Variants in DPP10 observed in about 807,000 individuals in gnomAD.
The protein encoded by DPP10 is dipeptidyl peptidase like 10, also known as inactive dipeptidyl peptidase 10.
Under a neutral mutation model 120.9 loss-of-function variants are expected in DPP10, and 33 were observed. That is an observed-to-expected ratio of 0.27 (90% CI 0.21 to 0.37). The LOEUF is 0.37. Among genes scored for constraint, DPP10 ranks in the 10% least tolerant of loss-of-function variants. The pLI, the probability that DPP10 is intolerant of heterozygous loss-of-function variation, is 1.00. For missense variants in DPP10, 816 were observed against 942.8 expected (o/e 0.87, Z 1.76); for synonymous variants, 337 against 326.1 (o/e 1.03, Z -0.36).
chr2:115,815,544 T>C lies in DPP10; in HGVS notation c.1896-131T>C, dbSNP rs1687130704. On this transcript the variant is annotated intron_variant, in intron 20 of 25. Coordinates refer to ENST00000410059, the MANE Select transcript of DPP10 (RefSeq NM_020868.6). ...TTTTGGAGTATATGACCCTAATACA[T>C]GAACAGAGCTACAGTTAGTAAAGCA... 4 of 750,824 alleles carry C rather than the reference T, an allele frequency of 5.3e-6. No individual in the cohort carries two copies. In the Admixed American group the frequency reaches 1.3e-4, roughly 25 times the overall value. The allele number at this position is 750,824 out of a possible 1,614,324, so 46.5% of individuals were successfully genotyped here. A position where few individuals can be genotyped will look rare whatever the true frequency, so the allele number is the denominator to read the frequency against.
At chr2:114,570,885 A>T (rs1398924716) in intron 1 of DPP10, among the ~76,000 whole-genome samples, 1 of 150,352 alleles carries the variant, frequency 6.7e-6, no homozygotes, top group Non-Finnish European at 1.5e-5. Flanking sequence ...GGAATTAGAG[A>T]TGTTTATCCT....
intron 1 of DPP10, among the ~76,000 whole-genome samples, chr2:114,526,485 A>T (rs1358328764): frequency 6.6e-6 from 1 of 152,220 alleles, no homozygotes; most frequent in Non-Finnish European, 1.5e-5. Flanking sequence ...AATAATCTAA[A>T]ATATCCCATA....
At chr2:114,511,215 A>T (rs538808938) in intron 1 of DPP10, among the ~76,000 whole-genome samples, 45 of 152,384 alleles carry the variant, frequency 3.0e-4, no homozygotes, top group African/African-American at 1.1e-3. Flanking sequence ...CACTCTGCAT[A>T]CAAAATATAT....
At chr2:115,116,537 ACT>A (rs1014975454) in intron 1 of DPP10, among the ~76,000 whole-genome samples, 4 of 152,124 alleles carry the variant, frequency 2.6e-5, no homozygotes, top group Admixed American at 2.0e-4. Flanking sequence ...TATTTCCAAG[ACT>A]ACCTTTTGTT....
At chr2:115,610,141 G>A (rs1221940166) in intron 5 of DPP10, among the ~76,000 whole-genome samples, 1 of 152,032 alleles carries the variant, frequency 6.6e-6, no homozygotes, top group African/African-American at 2.4e-5. Flanking sequence ...GGCTTGACTG[G>A]TACTCAAGGA....
At chr2:114,742,552 G>C (rs1678166872) in intron 1 of DPP10, among the ~76,000 whole-genome samples, 1 of 151,974 alleles carries the variant, frequency 6.6e-6, no homozygotes, top group African/African-American at 2.4e-5. Context: ...ATGTGGCACT[G>C]CTTTTTTGAA....
At chr2:115,455,981 C>T (rs1558687189) in intron 3 of DPP10, among the ~76,000 whole-genome samples, 1 of 152,114 alleles carries the variant, frequency 6.6e-6, no homozygotes, top group African/African-American at 2.4e-5. Context: ...TCTAACTAAA[C>T]TAAAGAGTTT....
chr2:115,427,808 TG>T (rs1405286572), intron 3 of DPP10, among the ~76,000 whole-genome samples: 1 of 152,248 alleles, frequency 6.6e-6, no homozygotes, highest in Non-Finnish European at 1.5e-5. Context: ...ATGGGCTTTT[TG>T]TTTCTACCCC....
At chr2:114,533,220 TG>T in intron 1 of DPP10, among the ~76,000 whole-genome samples, 1 of 152,256 alleles carries the variant, frequency 6.6e-6, no homozygotes, top group East Asian at 1.9e-4. Context: ...TGCCCTTGAA[TG>T]GGGGGAACTC....
At chr2:114,690,888 G>A (rs1699696245) in intron 1 of DPP10, among the ~76,000 whole-genome samples, 1 of 152,018 alleles carries the variant, frequency 6.6e-6, no homozygotes, top group South Asian at 2.1e-4. Context: ...CAGTGCATAG[G>A]AATGCTAGCA....
intron 4 of DPP10, among the ~76,000 whole-genome samples, chr2:115,500,458 A>C (rs2076627731): frequency 6.6e-6 from 1 of 152,026 alleles, no homozygotes; most frequent in African/African-American, 2.4e-5. Flanking sequence ...TTCTACTTGT[A>C]CATTTAAAAT....
chr2:114,770,024 C>T (rs374947946), intron 1 of DPP10, among the ~76,000 whole-genome samples: 2 of 152,156 alleles, frequency 1.3e-5, no homozygotes, highest in Non-Finnish European at 2.9e-5. Context: ...TTCTCCCCAA[C>T]ATGAACAAAG....
chr2:114,924,693 C>T (rs1251260149), intron 1 of DPP10, among the ~76,000 whole-genome samples: 2 of 152,012 alleles, frequency 1.3e-5, no homozygotes, highest in Non-Finnish European at 2.9e-5. Flanking sequence ...TTGGAGGACA[C>T]ACCAGCATGA....
chr2:115,444,909 T>C (rs2072428298), intron 3 of DPP10, among the ~76,000 whole-genome samples: 1 of 152,196 alleles, frequency 6.6e-6, no homozygotes, highest in Non-Finnish European at 1.5e-5. Context: ...GGGTCAGTGA[T>C]ATGGTTTGGC....
intron 7 of DPP10, among the ~76,000 whole-genome samples, chr2:115,718,991 G>A (rs1174339223): frequency 2.0e-5 from 3 of 151,808 alleles, no homozygotes; most frequent in African/African-American, 7.3e-5. Context: ...GTCTCCTGTG[G>A]GTTCCAGTTT....
At chr2:115,391,636 G>T (rs190086473) in intron 3 of DPP10, among the ~76,000 whole-genome samples, 25 of 151,752 alleles carry the variant, frequency 1.6e-4, no homozygotes, top group African/African-American at 5.8e-4. Context: ...AAATAAAAAA[G>T]ATGTTTATAA....
intron 3 of DPP10, among the ~76,000 whole-genome samples, chr2:115,458,282 A>C (rs1423423908): frequency 6.6e-6 from 1 of 152,172 alleles, no homozygotes; most frequent in African/African-American, 2.4e-5. Flanking sequence ...GGAAATTCTC[A>C]AGAATGTGAT....
chr2:115,050,704 G>A (rs944341818), intron 1 of DPP10, among the ~76,000 whole-genome samples: 13 of 152,246 alleles, frequency 8.5e-5, no homozygotes, highest in African/African-American at 2.2e-4. Flanking sequence ...AGGAAAAACC[G>A]AAAAAGGCAT....
At chr2:114,739,346 G>A (rs1000873427) in intron 1 of DPP10, among the ~76,000 whole-genome samples, 21 of 152,086 alleles carry the variant, frequency 1.4e-4, no homozygotes, top group Admixed American at 9.2e-4. Flanking sequence ...ACGACTGAAA[G>A]CTAAGGTCAA....
Sources: gnomAD v4.1 joint callset for allele counts (sites outside exome capture counted in the v4.1 genomes callset) on GRCh38, gnomAD v4.1.1 for gene constraint, MANE v1.5 for transcripts, NCBI Gene and HGNC (gene_info 2026-07-23, HGNC 2026-07-21) for gene names.